Variants in MBD2 observed in about 807,000 individuals in gnomAD.
MBD2 encodes methyl-CpG binding domain protein 2, also known as methyl-CpG-binding domain protein 2.
Under a neutral mutation model 39.3 loss-of-function variants are expected in MBD2, and 9 were observed. The observed-to-expected ratio is 0.23, with a 90% CI of 0.14 to 0.40. MBD2 has a LOEUF of 0.40. Among genes scored for constraint, MBD2 ranks in the 10% least tolerant of loss-of-function variants. MBD2 has a pLI of 1.00. For synonymous variants in MBD2, 233 were observed against 211.1 expected (o/e 1.10, Z -0.90); for missense variants, 458 against 532.6 (o/e 0.86, Z 1.38).
In MBD2 at chr18:54,155,104, T is replaced by A. The variant is rs939061861; in HGVS notation, c.*220A>T. The A allele has an allele frequency of 6.6e-6, 1 of 152,568 alleles. No homozygotes were observed. The highest frequency in any genetic ancestry group is 1.5e-5 in the Non-Finnish European group (1 of 68,022). 9.5% of individuals were successfully genotyped at this position (152,568 alleles called of 1,614,324 possible). ...GGTCCTGCTTGATATTACAAAAGAC[T>A]AATTTTAAGTCCTAGGACTCAAAAT... On this transcript the variant is annotated 3_prime_UTR_variant, in exon 7 of 7. Transcript: ENST00000256429.
intron 2 of MBD2, among the ~76,000 whole-genome samples, chr18:54,200,303 T>C (rs1285501021): frequency 1.3e-5 from 2 of 152,262 alleles, no homozygotes; most frequent in East Asian, 1.9e-4. Flanking sequence ...ATATGTCATA[T>C]GTCACATTAA....
At chr18:54,198,750 A>G (rs2086384418) in intron 2 of MBD2, among the ~76,000 whole-genome samples, 1 of 152,208 alleles carries the variant, frequency 6.6e-6, no homozygotes, top group Non-Finnish European at 1.5e-5. Context: ...CACAATTCAA[A>G]GGTTCCTGGA....
At chr18:54,220,151 T>TA (rs1294894912) in intron 1 of MBD2, among the ~76,000 whole-genome samples, 1 of 152,126 alleles carries the variant, frequency 6.6e-6, no homozygotes, top group East Asian at 1.9e-4. Context: ...AAAGACTATG[T>TA]GAGGAAGAAA....
chr18:54,155,365 G>GT (rs2086045171), intron 6 of MBD2, 54 bp from the exon 7 acceptor site: 1 of 151,258 alleles, frequency 6.6e-6, no homozygotes, highest in South Asian at 2.1e-4. Flanking sequence ...GATTTATCAG[G>GT]TGAGAGGTCA....
intron 3 of MBD2, among the ~76,000 whole-genome samples, chr18:54,183,477 A>G (rs756205080): frequency 5.3e-5 from 8 of 152,248 alleles, no homozygotes; most frequent in Non-Finnish European, 8.8e-5. Context: ...GAAAACAAAG[A>G]AAGTGTAGAG....
chr18:54,205,491 T>C (rs1450995854), intron 1 of MBD2, among the ~76,000 whole-genome samples: 1 of 150,140 alleles, frequency 6.7e-6, no homozygotes, highest in African/African-American at 2.5e-5. Context: ...TTCAGGAAGC[T>C]GAGGCAGGAG....
intron 3 of MBD2, among the ~76,000 whole-genome samples, chr18:54,179,968 G>A (rs577625110): frequency 3.2e-5 from 3 of 93,342 alleles, no homozygotes; most frequent in East Asian, 3.6e-4. Context: ...ATTGACAGAT[G>A]ACATGTTTAT....
chr18:54,220,031 G>T (rs1469253036), intron 1 of MBD2, among the ~76,000 whole-genome samples: 1 of 152,156 alleles, frequency 6.6e-6, no homozygotes, highest in East Asian at 1.9e-4. Flanking sequence ...TCGATCTCCT[G>T]ACCTCGTGAT....
At chr18:54,181,287 C>T (rs1287817414) in intron 3 of MBD2, among the ~76,000 whole-genome samples, 1 of 152,200 alleles carries the variant, frequency 6.6e-6, no homozygotes, top group Admixed American at 6.5e-5. Flanking sequence ...CTCTCTTGGG[C>T]TCTAGCCCAT....
At chr18:54,181,378 T>A (rs1305371867) in intron 3 of MBD2, among the ~76,000 whole-genome samples, 3 of 152,354 alleles carry the variant, frequency 2.0e-5, no homozygotes, top group South Asian at 2.1e-4. Flanking sequence ...TTATTATTTT[T>A]AAAAAATATT....
At chr18:54,159,421 T>C (rs1599072919) in intron 6 of MBD2, among the ~76,000 whole-genome samples, 1 of 142,402 alleles carries the variant, frequency 7.0e-6, no homozygotes, top group Non-Finnish European at 1.5e-5. Context: ...CAGCGACACC[T>C]TTTTTTTTTT....
chr18:54,206,795 A>C (rs973950635), intron 1 of MBD2, among the ~76,000 whole-genome samples: 1 of 152,242 alleles, frequency 6.6e-6, no homozygotes, highest in Non-Finnish European at 1.5e-5. Context: ...CAGAGGAAAG[A>C]GTACAGGATT....
Position 54,167,687 on chromosome 18 carries a change from C to T in MBD2, c.841-1521G>A, listed in dbSNP as rs2086144613. Among the ~76,000 whole-genome samples, 3 of 152,256 alleles carry T rather than the reference C, an allele frequency of 2.0e-5. No homozygotes were observed. The South Asian group carries it at 6.2e-4, about 32-fold the overall frequency. ...TGCTGAATTTGTAATAAGCACAACG[C>T]TAGCACCAAGGAAGGCCTTTGGTAT... On this transcript the variant is annotated intron_variant, in intron 3 of 6. Transcript: ENST00000256429.
chr18:54,224,271 G>GACGGCC lies in MBD2; in HGVS notation c.283_288dup (p.Gly95_Arg96dup). On this transcript the variant is annotated inframe_insertion, in exon 1 of 7. Transcript: ENST00000256429. ...CCAAGGCCGCTGCCGCCACTCGGGG[G>GACGGCC]ACGGCCGCGGCCCCGGCCCCGGCCC... The GACGGCC allele has an allele frequency of 2.1e-6, 2 of 953,368 alleles. No homozygotes were observed. The highest frequency in any genetic ancestry group is 1.2e-6 in the Non-Finnish European group (1 of 803,866). 59.1% of individuals were successfully genotyped at this position (953,368 alleles called of 1,614,324 possible).
chr18:54,188,538 C>T (rs951325348), intron 3 of MBD2, among the ~76,000 whole-genome samples: 2 of 152,146 alleles, frequency 1.3e-5, no homozygotes, highest in East Asian at 3.8e-4. Flanking sequence ...GCAACACAAA[C>T]TACATGCTTC....
chr18:54,177,184 T>A (rs2086217729), intron 3 of MBD2, among the ~76,000 whole-genome samples: 1 of 152,246 alleles, frequency 6.6e-6, no homozygotes, highest in Non-Finnish European at 1.5e-5. Context: ...AACTTAGATG[T>A]GCTCCTTCAC....
At chr18:54,205,293 T>C in intron 1 of MBD2, 136 bp from the exon 2 acceptor site, 1 of 829,088 alleles carries the variant, frequency 1.2e-6, no homozygotes, top group South Asian at 2.0e-5. Flanking sequence ...AAAGTTTTGC[T>C]AGGCGCGATG....
intron 2 of MBD2, among the ~76,000 whole-genome samples, chr18:54,204,364 A>C (rs191625027): frequency 6.6e-6 from 1 of 152,242 alleles, no homozygotes; most frequent in Non-Finnish European, 1.5e-5. Context: ...AGGCTTAAGT[A>C]TCTCTCATCT....
intron 1 of MBD2, among the ~76,000 whole-genome samples, chr18:54,214,123 T>A (rs925818934): frequency 4.0e-5 from 6 of 151,348 alleles, no homozygotes; most frequent in African/African-American, 1.2e-4. Flanking sequence ...ACTTTCCCAC[T>A]GAGCAGGGGT....
Sources: gnomAD v4.1 joint callset for allele counts (sites outside exome capture counted in the v4.1 genomes callset) on GRCh38, gnomAD v4.1.1 for gene constraint, MANE v1.5 for transcripts, NCBI Gene and HGNC (gene_info 2026-07-23, HGNC 2026-07-21) for gene names.